TIPIN: variants seen among roughly 807,000 people sequenced by gnomAD.
TIPIN encodes the protein TIMELESS interacting protein.
In TIPIN, 29 loss-of-function variants were observed where a neutral mutation model predicts 35.6. The observed-to-expected ratio is 0.82, with a 90% CI of 0.61 to 1.11. The LOEUF is 1.11. Among genes scored for constraint, TIPIN ranks in the 50% most tolerant of loss-of-function variants. The pLI is 0.00. For missense variants in TIPIN, 296 were observed against 345.4 expected (o/e 0.86, Z 1.13); for synonymous variants, 102 against 121.5 (o/e 0.84, Z 1.06).
upstream of TIPIN, among the ~76,000 whole-genome samples, chr15:66,359,841 C>T (rs1031099421): frequency 1.3e-5 from 2 of 152,132 alleles, no homozygotes; most frequent in African/African-American, 2.4e-5. Flanking sequence ...CTGCCAAAAA[C>T]GAACAGAGCA....
At chr15:66,344,509 A>C (rs1321847757) in intron 6 of TIPIN, among the ~76,000 whole-genome samples, 1 of 152,126 alleles carries the variant, frequency 6.6e-6, no homozygotes, top group Non-Finnish European at 1.5e-5. Flanking sequence ...CTATTTATAT[A>C]AACAATATAT....
intron 1 of TIPIN, chr15:66,379,262 C>T (rs1328356681): frequency 1.9e-5 from 28 of 1,486,734 alleles, no homozygotes; most frequent in South Asian, 5.2e-5. Context: ...TCTTTTATTA[C>T]ATCATTTAAA....
intron 1 of TIPIN, among the ~76,000 whole-genome samples, chr15:66,385,339 C>T (rs1464415524): frequency 6.6e-6 from 1 of 152,194 alleles, no homozygotes; most frequent in Non-Finnish European, 1.5e-5. Context: ...TTGTTCTGTA[C>T]ACCTAATGTC....
At chr15:66,352,460 G>A (rs944753382) in intron 2 of TIPIN, among the ~76,000 whole-genome samples, 30 of 151,914 alleles carry the variant, frequency 2.0e-4, no homozygotes, top group African/African-American at 6.3e-4. Flanking sequence ...TACCACACCC[G>A]GCTAATTTTT....
chr15:66,366,251 C>A (rs891738324), intron 1 of TIPIN, among the ~76,000 whole-genome samples: 1 of 151,176 alleles, frequency 6.6e-6, no homozygotes, highest in East Asian at 2.0e-4. Flanking sequence ...GTCAAGAGTT[C>A]GAGACCAGCC....
chr15:66,366,486 G>C (rs1466881897), intron 1 of TIPIN, among the ~76,000 whole-genome samples: 1 of 150,196 alleles, frequency 6.7e-6, no homozygotes, highest in African/African-American at 2.5e-5. Context: ...GGGTGCAGTG[G>C]CTCATGCCTG....
At chr15:66,368,092 A>G (rs2093264409) in intron 1 of TIPIN, among the ~76,000 whole-genome samples, 1 of 152,072 alleles carries the variant, frequency 6.6e-6, no homozygotes, top group Non-Finnish European at 1.5e-5. Context: ...TCGGCTTCCC[A>G]AAGTGCTGAG....
chr15:66,361,082 A>G (rs12591146), upstream of TIPIN, among the ~76,000 whole-genome samples: 151,194 of 151,196 alleles, frequency 1, 75,596 homozygotes, highest in Middle Eastern at 1. Context: ...GCAGTGAGCA[A>G]AGATTGTGCC....
At chr15:66,341,081 A>T (rs1422154118) in intron 7 of TIPIN, 69 bp downstream of exon 7, 1 of 1,401,770 alleles carries the variant, frequency 7.1e-7, no homozygotes, top group African/African-American at 1.4e-5. Flanking sequence ...GGGCTAGCAG[A>T]GAAGTTAAAA....
At chr15:66,368,557 C>A (rs547349787) in intron 1 of TIPIN, among the ~76,000 whole-genome samples, 1 of 151,874 alleles carries the variant, frequency 6.6e-6, no homozygotes, top group Non-Finnish European at 1.5e-5. Context: ...AAAATATAGT[C>A]TATAAACTAA....
chr15:66,374,818 G>T (rs1238290522), intron 1 of TIPIN, among the ~76,000 whole-genome samples: 1 of 152,106 alleles, frequency 6.6e-6, no homozygotes, highest in Non-Finnish European at 1.5e-5. Flanking sequence ...CTGACCTCAG[G>T]TGATCCGCCT....
At chr15:66,361,778 C>T (rs1223453676) in intron 1 of TIPIN, among the ~76,000 whole-genome samples, 1 of 151,982 alleles carries the variant, frequency 6.6e-6, no homozygotes, top group Non-Finnish European at 1.5e-5. Context: ...GAGGCTGAGG[C>T]GGGCAGATCA....
intron 1 of TIPIN, among the ~76,000 whole-genome samples, chr15:66,356,007 A>G (rs763031496): frequency 1.3e-5 from 2 of 152,298 alleles, no homozygotes; most frequent in South Asian, 4.2e-4. Context: ...CAATGGTCGC[A>G]TAACTGTCTC....
At chr15:66,369,351 ATCTTTTTTTT>A (rs2093269287) in intron 1 of TIPIN, among the ~76,000 whole-genome samples, 1 of 83,750 alleles carries the variant, frequency 1.2e-5, no homozygotes, top group Non-Finnish European at 2.3e-5. Flanking sequence ...AGTTCACAAT[ATCTTTTTTTT>A]TTTTTTTTTT....
At chr15:66,352,457 C>A (rs2093174662) in intron 2 of TIPIN, among the ~76,000 whole-genome samples, 1 of 152,056 alleles carries the variant, frequency 6.6e-6, no homozygotes, top group Admixed American at 6.6e-5. Context: ...GCCTACCACA[C>A]CCGGCTAATT....
At position 66,367,211 on chromosome 15, in the gene TIPIN, T is replaced by TATCTA. The variant is rs1302486681; in HGVS notation, c.-8-14261_-8-14257dup. ...AAATCTATATCTATATCTATATCTA[T>TATCTA]ATCTATATCTATATCTGTATCTATA... On this transcript the variant is annotated intron_variant, in intron 1 of 7. Coordinates refer to the TIPIN transcript ENST00000562124. Among the ~76,000 whole-genome samples, 3 of 150,310 alleles carry TATCTA rather than the reference T, an allele frequency of 2.0e-5. No individual in the cohort carries two copies. In the East Asian group the frequency reaches 5.8e-4, roughly 29 times the overall value.
At chr15:66,342,240 GAA>G (rs1237851273) in intron 6 of TIPIN, among the ~76,000 whole-genome samples, 19 of 147,470 alleles carry the variant, frequency 1.3e-4, no homozygotes, top group Non-Finnish European at 2.2e-4. Flanking sequence ...ATTGTAATTA[GAA>G]ATATTTTATG....
At chr15:66,370,222 G>T (rs2093272920) in intron 1 of TIPIN, among the ~76,000 whole-genome samples, 1 of 152,106 alleles carries the variant, frequency 6.6e-6, no homozygotes, top group South Asian at 2.1e-4. Flanking sequence ...TACCACGTCT[G>T]CCAAGCCAGA....
chr15:66,367,234 A>G (rs202164068), intron 1 of TIPIN, among the ~76,000 whole-genome samples: 3,858 of 130,428 alleles, frequency 0.03, 179 homozygotes, highest in African/African-American at 0.094. Context: ...ATCTGTATCT[A>G]TATCTATATC....
Sources: gnomAD v4.1 joint callset for allele counts (sites outside exome capture counted in the v4.1 genomes callset) on GRCh38, gnomAD v4.1.1 for gene constraint, MANE v1.5 for transcripts, NCBI Gene and HGNC (gene_info 2026-07-23, HGNC 2026-07-21) for gene names.